Variants in AGBL1 observed in about 807,000 individuals in gnomAD.
AGBL1 encodes cytosolic carboxypeptidase 4.
Under a neutral mutation model 118.9 loss-of-function variants are expected in AGBL1, and 130 were observed. That is an observed-to-expected ratio of 1.09 (90% CI 0.95 to 1.26). The LOEUF (loss-of-function observed/expected upper bound fraction) is 1.26, where lower values mean the gene tolerates loss of function less well. Among genes scored for constraint, AGBL1 ranks in the 50% most tolerant of loss-of-function variants. The pLI is 0.00. For synonymous variants in AGBL1, 555 were observed against 478.9 expected (o/e 1.16, Z -2.08); for missense variants, 1,584 against 1,298.1 (o/e 1.22, Z -3.38).
intron 22 of AGBL1, among the ~76,000 whole-genome samples, chr15:86,788,886 A>G (rs533847603): frequency 6.1e-4 from 93 of 152,348 alleles, no homozygotes; most frequent in African/African-American, 2.1e-3. Context: ...TGCAAAGTGC[A>G]AGGCTCCAAG....
At chr15:86,651,714 T>G (rs1284403475) in intron 21 of AGBL1, among the ~76,000 whole-genome samples, 1 of 152,204 alleles carries the variant, frequency 6.6e-6, no homozygotes, top group African/African-American at 2.4e-5. Flanking sequence ...AGATTGCTAA[T>G]AAGTTCCAAC....
At chr15:86,266,933 C>T (rs1344679546) in intron 12 of AGBL1, 57 bp from the exon 13 acceptor site, 2 of 1,278,284 alleles carry the variant, frequency 1.6e-6, no homozygotes, top group Non-Finnish European at 1.1e-6. Flanking sequence ...AATCATCACA[C>T]TGTTTTCAAA....
chr15:86,391,640 G>GTTTTTTTTTTTTTT (rs751427467), intron 17 of AGBL1, among the ~76,000 whole-genome samples: 5 of 73,782 alleles, frequency 6.8e-5, no homozygotes, highest in Admixed American at 2.2e-4. Context: ...GTTGTTGTTG[G>GTTTTTTTTTTTTTT]TTTTTTTTTT....
intron 1 of AGBL1, among the ~76,000 whole-genome samples, chr15:86,094,872 A>G (rs1476813873): frequency 6.6e-6 from 1 of 152,068 alleles, no homozygotes. Context: ...GATCCTAACT[A>G]CCTGGAGTTA....
At chr15:86,409,611 A>G (rs1430449672) in intron 18 of AGBL1, among the ~76,000 whole-genome samples, 1 of 152,166 alleles carries the variant, frequency 6.6e-6, no homozygotes, top group African/African-American at 2.4e-5. Flanking sequence ...AATTTATGCC[A>G]TCATAAACAG....
chr15:86,467,411 G>T (rs1011864358), intron 18 of AGBL1, among the ~76,000 whole-genome samples: 1 of 152,236 alleles, frequency 6.6e-6, no homozygotes, highest in Non-Finnish European at 1.5e-5. Flanking sequence ...GCTGGGCTCT[G>T]TTGGGGTGAG....
intron 20 of AGBL1, among the ~76,000 whole-genome samples, chr15:86,549,592 C>G (rs1040196550): frequency 1.3e-5 from 2 of 151,792 alleles, no homozygotes; most frequent in African/African-American, 2.4e-5. Context: ...AGTTTGCAAC[C>G]AAAAACTACA....
At chr15:86,668,518 G>T (rs116761253) in intron 21 of AGBL1, among the ~76,000 whole-genome samples, 1 of 151,968 alleles carries the variant, frequency 6.6e-6, no homozygotes, top group Non-Finnish European at 1.5e-5. Context: ...ACAAAAAGAC[G>T]TTTTTTTGGT....
intron 18 of AGBL1, among the ~76,000 whole-genome samples, chr15:86,494,027 G>A (rs968534170): frequency 2.6e-5 from 4 of 151,908 alleles, no homozygotes; most frequent in African/African-American, 7.3e-5. Context: ...AGGCATACTG[G>A]TTCTTCCTTC....
chr15:86,986,850 A>C lies in AGBL1; in HGVS notation c.3222-1137A>C, dbSNP rs141338945. On this transcript the variant is annotated intron_variant, in intron 23 of 24. Transcript: ENST00000441037. ...ACCACCAAACAGGCTTTGTGTGAGCAAGGCTGTTTATTTCACCTGGGTTCA... is the reference window on the plus strand; with the variant it reads ...ACCACCAAACAGGCTTTGTGTGAGCCAGGCTGTTTATTTCACCTGGGTTCA... Among the ~76,000 whole-genome samples the C allele has an allele frequency of 4.7e-4, 72 of 152,318 alleles. No individual in the cohort carries two copies. The East Asian group carries it at 0.012, about 25-fold the overall frequency.
intron 16 of AGBL1, among the ~76,000 whole-genome samples, chr15:86,285,473 C>G (rs1429611672): frequency 6.6e-6 from 1 of 152,152 alleles, no homozygotes; most frequent in South Asian, 2.1e-4. Context: ...GAATAAGTCT[C>G]ATGAGATCTG....
chr15:86,974,912 T>C (rs1204220046), intron 23 of AGBL1, among the ~76,000 whole-genome samples: 13 of 151,952 alleles, frequency 8.6e-5, no homozygotes, highest in Non-Finnish European at 1.8e-4. Flanking sequence ...AGTGGAGATA[T>C]AAAGCAGAAT....
intron 22 of AGBL1, among the ~76,000 whole-genome samples, chr15:86,679,213 T>A (rs2085905211): frequency 6.6e-6 from 1 of 152,140 alleles, no homozygotes; most frequent in Non-Finnish European, 1.5e-5. Flanking sequence ...CTGATATTTT[T>A]ATTTACTGAT....
intron 18 of AGBL1, 78 bp downstream of exon 18, chr15:86,397,624 A>G (rs2081388244): frequency 1.5e-6 from 2 of 1,345,500 alleles, no homozygotes; most frequent in African/African-American, 2.9e-5. Flanking sequence ...AGTAGGCGTG[A>G]TTGGAGAGGC....
At chr15:86,791,175 T>C (rs920413056) in intron 22 of AGBL1, among the ~76,000 whole-genome samples, 2 of 152,184 alleles carry the variant, frequency 1.3e-5, no homozygotes, top group African/African-American at 4.8e-5. Flanking sequence ...TTAGTTACCA[T>C]TAGATTGGAT....
At chr15:86,919,071 A>G (rs2141616712), downstream of AGBL1, among the ~76,000 whole-genome samples, 1 of 152,320 alleles carries the variant, frequency 6.6e-6, no homozygotes, top group East Asian at 1.9e-4. Flanking sequence ...TTACGCTCAG[A>G]GATCTATAAT....
In AGBL1 at chr15:86,785,607, AT is replaced by A. The variant is rs35910812; in HGVS notation, c.3158+111172del. ...GGTCTCGAACTCCTGGCCTCAGGCG[AT>A]CCACCCGCCTTGGCCCCCCGAAGTG... On this transcript the variant is annotated intron_variant, in intron 22 of 22. Transcript: ENST00000614907. Among the ~76,000 whole-genome samples the A allele has an allele frequency of 2.9e-3, 443 of 152,098 alleles. 1 individual carries two copies. Among genetic ancestry groups the A allele is most frequent in the East Asian group, 0.02 (102 of 5,152 alleles).
At chr15:87,024,208 A>AAAGAT (rs574906799) in intron 24 of AGBL1, among the ~76,000 whole-genome samples, 172 of 152,208 alleles carry the variant, frequency 1.1e-3, no homozygotes, top group Middle Eastern at 3.4e-3. Flanking sequence ...GGTTCTTTGA[A>AAAGAT]AAGATAAATG....
intron 24 of AGBL1, among the ~76,000 whole-genome samples, chr15:87,027,266 A>G (rs1205642393): frequency 6.6e-6 from 1 of 152,056 alleles, no homozygotes; most frequent in Non-Finnish European, 1.5e-5. Flanking sequence ...GTATTATTAA[A>G]AAGTTAAAAA....
Sources: allele counts gnomAD v4.1 joint callset (sites outside exome capture counted in the v4.1 genomes callset), GRCh38; gene constraint gnomAD v4.1.1; transcripts MANE v1.5; gene names NCBI Gene and HGNC (gene_info 2026-07-23, HGNC 2026-07-21).